Variants in CCDC39 observed in about 807,000 individuals in gnomAD.
CCDC39 encodes coiled-coil domain 39 molecular ruler complex subunit, also known as coiled-coil domain-containing protein 39.
Under a neutral mutation model 121.0 loss-of-function variants are expected in CCDC39, and 113 were observed. The observed-to-expected ratio is 0.93, with a 90% CI of 0.80 to 1.09. CCDC39 has a LOEUF of 1.09. CCDC39 is among the 50% of genes least tolerant of loss of function. The probability of loss-of-function intolerance (pLI) is 0.00; values close to 1 mark genes in which losing one functional copy is unlikely to be tolerated. For missense variants in CCDC39, 1,063 were observed against 1,074.7 expected (o/e 0.99, Z 0.15); for synonymous variants, 349 against 352.2 (o/e 0.99, Z 0.10).
intron 1 of CCDC39, among the ~76,000 whole-genome samples, chr3:180,678,440 C>G (rs1056041213): frequency 6.6e-6 from 1 of 152,152 alleles, no homozygotes; most frequent in Admixed American, 6.5e-5. Flanking sequence ...CTTGGACCTT[C>G]TTCTACACAA....
chr3:180,663,300 C>T (rs955922323), intron 2 of CCDC39, among the ~76,000 whole-genome samples: 4 of 152,222 alleles, frequency 2.6e-5, no homozygotes, highest in African/African-American at 4.8e-5. Flanking sequence ...CTGCTTATAG[C>T]CATCATTTCT....
intron 10 of CCDC39, among the ~76,000 whole-genome samples, 176 bp downstream of exon 10, chr3:180,647,989 A>G (rs1446516180): frequency 2.0e-5 from 3 of 152,070 alleles, no homozygotes; most frequent in African/African-American, 4.8e-5. Context: ...AGGGGAAAAA[A>G]TAGTTTTTAA....
At chr3:180,622,529 T>TA (rs2108408039) in intron 14 of CCDC39, among the ~76,000 whole-genome samples, 1 of 152,284 alleles carries the variant, frequency 6.6e-6, no homozygotes, top group East Asian at 1.9e-4. Context: ...CCCCATTCGA[T>TA]ACGATGTTGG....
At chr3:180,674,630 C>G (rs1449017186) in intron 1 of CCDC39, among the ~76,000 whole-genome samples, 5 of 152,100 alleles carry the variant, frequency 3.3e-5, no homozygotes, top group Non-Finnish European at 5.9e-5. Flanking sequence ...ATAAATAGCT[C>G]TTATTATTTT....
intron 9 of CCDC39, among the ~76,000 whole-genome samples, chr3:180,649,183 T>A (rs1414422702): frequency 6.6e-6 from 1 of 152,144 alleles, no homozygotes; most frequent in African/African-American, 2.4e-5. Flanking sequence ...AGGAACTACC[T>A]GTCACTCACT....
intron 6 of CCDC39, among the ~76,000 whole-genome samples, chr3:180,655,534 T>C (rs1034948120): frequency 7.0e-6 from 1 of 143,168 alleles, no homozygotes; most frequent in Non-Finnish European, 1.5e-5. Context: ...CTTTCCAGGA[T>C]AGGGAAGAAA....
chr3:180,616,174 G>T, intron 19 of CCDC39, 107 bp downstream of exon 19: 1 of 851,644 alleles, frequency 1.2e-6, no homozygotes, highest in Non-Finnish European at 2.0e-6. Context: ...AACACTGGCA[G>T]TGAGTGCATG....
chr3:180,645,183 C>T (rs535784703), intron 11 of CCDC39, among the ~76,000 whole-genome samples: 1 of 152,186 alleles, frequency 6.6e-6, no homozygotes, highest in South Asian at 2.1e-4. Flanking sequence ...ATTGTCAAAG[C>T]ATGTGTATAA....
At chr3:180,666,537 T>C (rs1711881810) in intron 1 of CCDC39, among the ~76,000 whole-genome samples, 1 of 152,200 alleles carries the variant, frequency 6.6e-6, no homozygotes, top group East Asian at 1.9e-4. Context: ...GTCTTGCTTT[T>C]AAGTAATTAG....
chr3:180,630,543 C>G (rs999468086), intron 14 of CCDC39, among the ~76,000 whole-genome samples: 1 of 152,146 alleles, frequency 6.6e-6, no homozygotes, highest in African/African-American at 2.4e-5. Context: ...GATGATCTCA[C>G]CCCTATTCAT....
intron 13 of CCDC39, among the ~76,000 whole-genome samples, chr3:180,632,200 T>G (rs935651026): frequency 7.9e-5 from 12 of 152,214 alleles, no homozygotes; most frequent in Admixed American, 7.8e-4. Flanking sequence ...CAAACGTCTT[T>G]AAAAAGATAG....
At chr3:180,617,730 A>C (rs1717301905) in intron 16 of CCDC39, 1 of 376,760 alleles carries the variant, frequency 2.7e-6, no homozygotes, top group Admixed American at 4.5e-5. Flanking sequence ...AAGAGTAAAA[A>C]AATTTTACAA....
chr3:180,662,014 AATAACACACAAG>A lies in CCDC39; in HGVS notation c.211-19_211-8del. On this transcript the variant is annotated splice_region_variant and splice_polypyrimidine_tract_variant and intron_variant, in intron 2 of 19. Transcript: ENST00000476379. ...CCCTTGCTTTGCAAAGAGACTACAGAATAACACACAAGATAAAAAGGCTTTTAAAATTTTAGA... is the reference window on the plus strand; with the variant it reads ...CCCTTGCTTTGCAAAGAGACTACAGAATAAAAAGGCTTTTAAAATTTTAGA... The A allele has an allele frequency of 1.3e-6, 2 of 1,539,902 alleles. No homozygotes were observed. Among genetic ancestry groups the A allele is most frequent in the Non-Finnish European group, 1.7e-6 (2 of 1,144,102 alleles).
At position 180,616,870 on chromosome 3, in the gene CCDC39, CT is replaced by C. The variant is rs1225665018; in HGVS notation, c.2361del (p.Glu788LysfsTer9). 1.3e-5 allele frequency: 21 copies of C among 1,605,408 alleles called. No individual in the cohort carries two copies. The highest frequency in any genetic ancestry group is 1.8e-5 in the Non-Finnish European group (21 of 1,173,508). On this transcript the variant is annotated frameshift_variant, in exon 17 of 20. Transcript: ENST00000476379. LOFTEE classifies it high-confidence loss of function. ...AATTTTGGCTTCTGCTCCTCCGTTT[CT>C]TTACTTAGTTGAAATGAATAAGCCT... is the stretch of plus-strand genomic sequence containing the variant. ...EKQAYSFQLS[K>X]ETEEQKPKLE...
intron 9 of CCDC39, among the ~76,000 whole-genome samples, chr3:180,648,719 T>C (rs562437161): frequency 6.6e-6 from 1 of 152,304 alleles, no homozygotes; most frequent in African/African-American, 2.4e-5. Context: ...GAGGGTGCTA[T>C]GGGGAAGAAA....
Position 180,647,089 on chromosome 3 carries a change from T to C in CCDC39, c.1517A>G (p.Lys506Arg). Residue 506 changes from lysine to arginine, a missense_variant, in exon 11 of 20, where the codon AAG (lysine) becomes AGG (arginine). Lys to Arg is a conservative substitution (Grantham distance 26). Transcript: ENST00000476379. ...TTTTGGCTAAGTTACATGAAGCTTC[T>C]TGATCTGTGTTTCCAAAAGGCCACA... The part of the protein sequence containing the change: ...STCGLLETQI[K>R]KLHNDLYFIK... 1 of 1,606,380 alleles carries C rather than the reference T, an allele frequency of 6.2e-7. No homozygotes were observed.
intron 1 of CCDC39, among the ~76,000 whole-genome samples, chr3:180,666,258 T>C (rs1005775974): frequency 3.3e-5 from 5 of 152,316 alleles, no homozygotes; most frequent in African/African-American, 1.2e-4. Flanking sequence ...CTTAGCATAA[T>C]GCTTTCAAGT....
intron 19 of CCDC39, 104 bp from the exon 20 acceptor site, chr3:180,615,181 CA>C: frequency 2.6e-6 from 2 of 757,946 alleles, no homozygotes; most frequent in Non-Finnish European, 4.1e-6. Flanking sequence ...GTAAAGACAT[CA>C]AAAAAGTACA....
At chr3:180,636,286 T>G (rs549264743) in intron 13 of CCDC39, among the ~76,000 whole-genome samples, 1 of 152,226 alleles carries the variant, frequency 6.6e-6, no homozygotes, top group East Asian at 1.9e-4. Context: ...GTATAAAAAT[T>G]ACTAGCATTC....
Sources: allele counts gnomAD v4.1 joint callset (sites outside exome capture counted in the v4.1 genomes callset), GRCh38; gene constraint gnomAD v4.1.1; transcripts MANE v1.5; gene names NCBI Gene and HGNC (gene_info 2026-07-23, HGNC 2026-07-21).